SETDB2: variants seen among roughly 807,000 people sequenced by gnomAD.
The protein encoded by SETDB2 is SET domain bifurcated histone lysine methyltransferase 2, also known as histone-lysine N-methyltransferase SETDB2.
In SETDB2, 56 loss-of-function variants were observed where a neutral mutation model predicts 82.5. That is an observed-to-expected ratio of 0.68 (90% CI 0.55 to 0.85). The LOEUF is 0.85. Ranked by LOEUF, SETDB2 falls within the 40% of genes least tolerant of loss-of-function variation. The pLI, the probability that SETDB2 is intolerant of heterozygous loss-of-function variation, is 0.00. For synonymous variants in SETDB2, 272 were observed against 284.9 expected, an observed-to-expected ratio of 0.95 and a Z score of 0.46; for missense variants, 677 against 816.4, an observed-to-expected ratio of 0.83 and a Z score of 2.08.
chr13:49,446,432 C>A (rs1366250427), intron 1 of SETDB2: 2 of 456,248 alleles, frequency 4.4e-6, no homozygotes, highest in East Asian at 6.9e-5. Flanking sequence ...TCCCTACTCC[C>A]GCTGGAGACT....
intron 3 of SETDB2, among the ~76,000 whole-genome samples, 158 bp from the exon 4 acceptor site, chr13:49,460,939 T>C (rs1034300438): frequency 6.6e-6 from 1 of 152,224 alleles, no homozygotes; most frequent in Non-Finnish European, 1.5e-5. Flanking sequence ...TAGCTTAACC[T>C]CTGAGCCTCA....
chr13:49,450,251 C>T (rs1957761772), intron 1 of SETDB2, among the ~76,000 whole-genome samples: 1 of 151,886 alleles, frequency 6.6e-6, no homozygotes, highest in Non-Finnish European at 1.5e-5. Context: ...TCATTATTGC[C>T]TCCTCTCCAT....
chr13:49,457,435 CTTT>C (rs34354093), intron 2 of SETDB2, among the ~76,000 whole-genome samples: 2 of 98,000 alleles, frequency 2.0e-5, no homozygotes, highest in East Asian at 3.0e-4. Flanking sequence ...ATTTCTAAGA[CTTT>C]TTTTTTTTTT....
At position 49,476,585 on chromosome 13, in the gene SETDB2, T is replaced by G; in HGVS notation, c.415T>G (p.Cys139Gly). 6.2e-7 allele frequency: 1 copy of G among 1,614,212 alleles called. No individual in the cohort carries two copies. Among genetic ancestry groups the G allele is most frequent in the Non-Finnish European group, 8.5e-7 (1 of 1,180,026 alleles). The part of the protein sequence containing the change: ...SYQSHDCSGA[C>G]LMKMPLNLKG... ...CCAAAGTCATGACTGCTCTGGTGCT[T>G]GTCTGATGAAAATGCCACTGAACTT... Residue 139 changes from cysteine to glycine, a missense_variant, in exon 6 of 14, where the codon TGT becomes GGT. Cys to Gly is a radical substitution (Grantham distance 159, BLOSUM62 -3). Transcript: ENST00000611815.
At chr13:49,491,196 A>C (rs1958704476) in intron 13 of SETDB2, among the ~76,000 whole-genome samples, 1 of 152,258 alleles carries the variant, frequency 6.6e-6, no homozygotes, top group Admixed American at 6.5e-5. Flanking sequence ...CTGTCTCAAA[A>C]AATGATAATT....
At chr13:49,471,936 T>TATATATATATATATATATATATA (rs71664753) in intron 5 of SETDB2, among the ~76,000 whole-genome samples, 4 of 95,816 alleles carry the variant, frequency 4.2e-5, no homozygotes, top group African/African-American at 2.2e-4. Flanking sequence ...ATATATATAT[T>TATATATATATATATATATATATA]TTTTTTTTTT....
chr13:49,467,961 G>C lies in SETDB2; in HGVS notation c.305+1G>C. The C allele has an allele frequency of 6.4e-7, 1 of 1,574,536 alleles. No individual in the cohort carries two copies. The highest frequency in any genetic ancestry group is 8.6e-7 in the Non-Finnish European group (1 of 1,156,594). On this transcript the variant is annotated splice_donor_variant, in intron 5 of 13. Coordinates refer to ENST00000611815, the MANE Select transcript of SETDB2 (RefSeq NM_001160308.3). LOFTEE classifies it high-confidence loss of function. ...CCTTTCCAGAAGACTGTACATTTCT[G>C]TATGTATATAAATTCTTTGTTATTA...
chr13:49,462,108 C>T (rs1418292314), intron 4 of SETDB2, among the ~76,000 whole-genome samples: 1 of 152,200 alleles, frequency 6.6e-6, no homozygotes, highest in African/African-American at 2.4e-5. Context: ...TGAAAGCTCT[C>T]TGAACCCTGT....
chr13:49,463,976 C>T (rs1338760282), intron 4 of SETDB2: 4 of 717,536 alleles, frequency 5.6e-6, no homozygotes, highest in Non-Finnish European at 1.0e-5. Context: ...AAGCTTATTT[C>T]TCTTTTTAAT....
At chr13:49,466,048 C>G (rs1958107460) in intron 4 of SETDB2, among the ~76,000 whole-genome samples, 1 of 152,156 alleles carries the variant, frequency 6.6e-6, no homozygotes, top group African/African-American at 2.4e-5. Context: ...GTTGATTACA[C>G]TCTAAGTGGG....
intron 6 of SETDB2, among the ~76,000 whole-genome samples, chr13:49,478,109 T>C (rs773156230): frequency 1.1e-4 from 17 of 152,232 alleles, no homozygotes; most frequent in Non-Finnish European, 1.9e-4. Context: ...ATAATAGTTT[T>C]CACCATCCTC....
chr13:49,489,592 TATTC>T, intron 12 of SETDB2, among the ~76,000 whole-genome samples: 1 of 110,146 alleles, frequency 9.1e-6, no homozygotes. Context: ...TCATCATATT[TATTC>T]TTTTTTTTTT....
At chr13:49,490,279 C>CAAAAAAAAAAAAAAA (rs60013535) in intron 12 of SETDB2, among the ~76,000 whole-genome samples, 18 of 83,168 alleles carry the variant, frequency 2.2e-4, no homozygotes, top group African/African-American at 8.2e-4. Flanking sequence ...GACTCCGTCT[C>CAAAAAAAAAAAAAAA]AAAAAAAAAA....
At chr13:49,453,742 T>G (rs937261053) in intron 2 of SETDB2, among the ~76,000 whole-genome samples, 1 of 152,194 alleles carries the variant, frequency 6.6e-6, no homozygotes, top group African/African-American at 2.4e-5. Flanking sequence ...GAGTGAGCCA[T>G]TTCTTGAATA....
intron 4 of SETDB2, among the ~76,000 whole-genome samples, chr13:49,464,909 A>G (rs915759510): frequency 6.6e-6 from 1 of 151,910 alleles, no homozygotes; most frequent in Admixed American, 6.6e-5. Flanking sequence ...AGATAATAAA[A>G]AAAAAAATTA....
At position 49,485,634 on chromosome 13, in the gene SETDB2, T is replaced by C. The variant is rs985712792; in HGVS notation, c.1487T>C (p.Phe496Ser). ...CATCTTCCTTGTTTTTTTAAGGAAT[T>C]TGTTTCCTCGGAGTCTGTCACTCCA... ...IFQHNGKKME[F>S]VSSESVTPED... Residue 496 changes from phenylalanine (F) to serine (S), a missense_variant, in exon 11 of 14, where the codon TTT becomes TCT. By Grantham distance (155) the Phe-to-Ser change is radical (BLOSUM62 -2). Around this residue, in one of 3 missense-constraint regions of SETDB2, gnomAD observed 420 missense variants for 554.6 expected, o/e 0.76. Coordinates refer to ENST00000611815, the MANE Select transcript of SETDB2 (RefSeq NM_001160308.3). The C allele has an allele frequency of 1.2e-6, 2 of 1,610,474 alleles. No individual in the cohort carries two copies. The highest frequency in any genetic ancestry group is 8.5e-7 in the Non-Finnish European group (1 of 1,178,916).
rs374362631 is a variant in SETDB2, at chr13:49,477,089, G to A, written c.869+50G>A. The A allele has an allele frequency of 1.1e-4, 157 of 1,452,630 alleles. No homozygotes were observed. The African/African-American group carries it at 1.7e-3, about 16-fold the overall frequency. 90.0% of individuals were successfully genotyped at this position (1,452,630 alleles called of 1,614,324 possible). The stretch of plus-strand genomic sequence containing the variant: ...AAAAAAATCTTCTGAATGTAAGGAC[G>A]CTTGTTAAGAAGTCTTGCTATGTAT... On this transcript the variant is annotated intron_variant, in intron 6 of 13. Coordinates refer to ENST00000611815, the MANE Select transcript of SETDB2 (RefSeq NM_001160308.3).
At chr13:49,471,928 ATATATATTT>A (rs1409677738) in intron 5 of SETDB2, among the ~76,000 whole-genome samples, 1 of 68,300 alleles carries the variant, frequency 1.5e-5, no homozygotes, top group East Asian at 4.6e-4. Context: ...ATATATATAT[ATATATATTT>A]TTTTTTTTTT....
At position 49,476,669 on chromosome 13, in the gene SETDB2, A is replaced by T; in HGVS notation, c.499A>T (p.Lys167Ter). 6.2e-7 allele frequency: 1 copy of T among 1,614,198 alleles called. No homozygotes were observed. The highest frequency in any genetic ancestry group is 8.5e-7 in the Non-Finnish European group (1 of 1,180,038). The change falls in exon 6 of 14, where the codon AAG becomes TAG. Residue 167 changes from lysine to a stop codon, truncating the protein, a stop_gained. Transcript: ENST00000611815. LOFTEE classifies it high-confidence loss of function. ...ATGTCACTTCCAAAGACGACATGCA[A>T]AGACAAACTCTCATTCTTCAGCACT... ...IKCHFQRRHA[K>*]TNSHSSALHV...
Sources: gnomAD v4.1 joint callset for allele counts (sites outside exome capture counted in the v4.1 genomes callset) on GRCh38, gnomAD v4.1.1 for gene constraint, gnomAD v4.1.1 regional missense constraint, MANE v1.5 for transcripts, NCBI Gene and HGNC (gene_info 2026-07-23, HGNC 2026-07-21) for gene names.